The following ATP2C2 variants were observed in gnomAD, a reference collection of about 807,000 sequenced individuals.
ATP2C2 encodes the protein ATPase secretory pathway Ca2+ transporting 2, also known as calcium-transporting ATPase type 2C member 2.
A neutral mutation model predicts 110.8 loss-of-function variants in ATP2C2; 171 were observed. The ratio of observed to expected loss-of-function variants is 1.54; its 90% CI spans 1.36 to 1.75. The LOEUF is 1.75. Among genes scored for constraint, ATP2C2 ranks in the 40% most tolerant of loss-of-function variants. ATP2C2 has a pLI of 0.00. For missense variants in ATP2C2, 1,963 were observed against 1,235.0 expected, an observed-to-expected ratio of 1.59 and a Z score of -8.84; for synonymous variants, 804 against 508.4, an observed-to-expected ratio of 1.58 and a Z score of -7.82.
intron 1 of ATP2C2, among the ~76,000 whole-genome samples, chr16:84,385,722 G>T (rs1904310188): frequency 6.6e-6 from 1 of 152,218 alleles, no homozygotes; most frequent in Non-Finnish European, 1.5e-5. Context: ...CGGCAGGAGA[G>T]AGAATGAATG....
intron 1 of ATP2C2, among the ~76,000 whole-genome samples, chr16:84,394,012 A>T (rs12925479): frequency 0.35 from 34,492 of 97,504 alleles, 4,987 homozygotes; most frequent in Non-Finnish European, 0.44. Context: ...CAAAAAAAAT[A>T]AAAAAATAAA....
intron 11 of ATP2C2, among the ~76,000 whole-genome samples, chr16:84,428,213 G>T (rs945564020): frequency 1.3e-5 from 2 of 152,192 alleles, no homozygotes; most frequent in African/African-American, 4.8e-5. Flanking sequence ...ACTGGGTCTG[G>T]TACATGGTAT....
intron 1 of ATP2C2, among the ~76,000 whole-genome samples, chr16:84,392,000 G>T (rs1466455984): frequency 6.7e-6 from 1 of 150,280 alleles, no homozygotes; most frequent in Non-Finnish European, 1.5e-5. Flanking sequence ...ACATATCAGT[G>T]ACGTCTCCTT....
At chr16:84,422,240 C>A in intron 7 of ATP2C2, 150 bp from the exon 8 acceptor site, 1 of 815,718 alleles carries the variant, frequency 1.2e-6, no homozygotes, top group East Asian at 2.6e-5. Flanking sequence ...ATCCTGGAGG[C>A]CTCAGAGGCC....
At chr16:84,387,013 T>C (rs947959872) in intron 1 of ATP2C2, among the ~76,000 whole-genome samples, 1 of 152,158 alleles carries the variant, frequency 6.6e-6, no homozygotes, top group African/African-American at 2.4e-5. Context: ...GTCTTAAGCT[T>C]GATTGTCGCC....
At position 84,410,705 on chromosome 16, in the gene ATP2C2, A is replaced by G; in HGVS notation, c.455A>G (p.Glu152Gly). Residue 152 changes from glutamate to glycine, a missense_variant and splice_region_variant, in exon 6 of 27, where the codon GAG becomes GGG. Physicochemically the swap from Glu to Gly is moderately conservative, Grantham distance 98 (BLOSUM62 -2). Coordinates refer to ENST00000262429, the MANE Select transcript of ATP2C2 (RefSeq NM_014861.4). ...CACATCTGATGTGCTTCCTGCCAGG[A>G]GTACAGGTCGGAGAAATCTCTGGAA... ...LVVVTVAFIQEYRSEKSLEEL... is the reference protein window; with the variant it reads ...LVVVTVAFIQGYRSEKSLEEL... 1 of 1,614,182 alleles carries G rather than the reference A, an allele frequency of 6.2e-7. No individual in the cohort carries two copies. Among genetic ancestry groups the G allele is most frequent in the Non-Finnish European group, 8.5e-7 (1 of 1,180,024 alleles).
chr16:84,392,928 A>T (rs1904746856), intron 1 of ATP2C2, among the ~76,000 whole-genome samples: 1 of 152,054 alleles, frequency 6.6e-6, no homozygotes, highest in South Asian at 2.1e-4. Flanking sequence ...GCTTGGTGCA[A>T]CTCAGGAGAT....
At chr16:84,395,547 C>A (rs1904920494) in intron 1 of ATP2C2, among the ~76,000 whole-genome samples, 1 of 150,214 alleles carries the variant, frequency 6.7e-6, no homozygotes, top group Non-Finnish European at 1.5e-5. Flanking sequence ...CAACCTCCGC[C>A]TTCCAGGTTC....
intron 11 of ATP2C2, among the ~76,000 whole-genome samples, chr16:84,434,563 G>T (rs1279221531): frequency 2.0e-5 from 3 of 151,390 alleles, no homozygotes; most frequent in Non-Finnish European, 2.9e-5. Context: ...TGTCACCCAG[G>T]CTGGAGTGCA....
At chr16:84,377,355 C>T (rs1910308839) in intron 1 of ATP2C2, among the ~76,000 whole-genome samples, 1 of 152,174 alleles carries the variant, frequency 6.6e-6, no homozygotes, top group African/African-American at 2.4e-5. Context: ...GGACAGGCAT[C>T]TTTGTTGTCA....
chr16:84,461,896 C>G (rs967845922), intron 25 of ATP2C2, 84 bp downstream of exon 25: 2 of 1,606,070 alleles, frequency 1.2e-6, no homozygotes. Flanking sequence ...CAGCATTGAG[C>G]GGCTCTGGCT....
chr16:84,436,248 C>G (rs1009940633), intron 11 of ATP2C2, among the ~76,000 whole-genome samples: 9 of 152,212 alleles, frequency 5.9e-5, no homozygotes, highest in African/African-American at 9.7e-5. Flanking sequence ...GAAAAAGATA[C>G]TGGATTTCCA....
At chr16:84,379,731 T>C (rs1349356135) in intron 1 of ATP2C2, among the ~76,000 whole-genome samples, 1 of 152,182 alleles carries the variant, frequency 6.6e-6, no homozygotes, top group African/African-American at 2.4e-5. Context: ...CAGGCCCTCT[T>C]GCAGATACTA....
intron 3 of ATP2C2, chr16:84,406,559 C>G (rs1297699151): frequency 2.0e-6 from 2 of 983,384 alleles, no homozygotes; most frequent in Non-Finnish European, 2.4e-6. Flanking sequence ...TCTCCACTCT[C>G]CTTGAGGTCC....
At chr16:84,423,461 A>G (rs1337528767) in intron 10 of ATP2C2, among the ~76,000 whole-genome samples, 198 bp downstream of exon 10, 2 of 152,232 alleles carry the variant, frequency 1.3e-5, no homozygotes, top group Non-Finnish European at 1.5e-5. Flanking sequence ...AGCAGCCACT[A>G]CATTTTCTTG....
At chr16:84,375,028 TAAG>T (rs1274338308) in intron 1 of ATP2C2, among the ~76,000 whole-genome samples, 4 of 152,222 alleles carry the variant, frequency 2.6e-5, no homozygotes, top group Non-Finnish European at 5.9e-5. Context: ...AGACACCTGG[TAAG>T]AAGGACTTGT....
intron 13 of ATP2C2, among the ~76,000 whole-genome samples, chr16:84,439,898 G>T (rs1351902091): frequency 1.3e-5 from 2 of 152,224 alleles, no homozygotes; most frequent in Non-Finnish European, 1.5e-5. Flanking sequence ...TGCAGTGGCT[G>T]ATCTCTGCTC....
At chr16:84,463,550 G>T in intron 26 of ATP2C2, 64 bp from the exon 27 acceptor site, 2 of 1,382,004 alleles carry the variant, frequency 1.4e-6, no homozygotes, top group South Asian at 1.2e-5. Flanking sequence ...CAGGGAAGGC[G>T]CTTCCTGCCG....
At chr16:84,429,986 T>A (rs1256033698) in intron 11 of ATP2C2, among the ~76,000 whole-genome samples, 2 of 152,194 alleles carry the variant, frequency 1.3e-5, no homozygotes, top group Non-Finnish European at 2.9e-5. Context: ...CTAGTCTCTG[T>A]CTGTCACATG....
Sources: allele counts gnomAD v4.1 joint callset (sites outside exome capture counted in the v4.1 genomes callset), GRCh38; gene constraint gnomAD v4.1.1; transcripts MANE v1.5; gene names NCBI Gene and HGNC (gene_info 2026-07-23, HGNC 2026-07-21).